Variants in ERC2 observed in about 807,000 individuals in gnomAD.
ERC2 encodes the protein ELKS/RAB6-interacting/CAST family member 2, also known as ERC protein 2.
In ERC2, 42 loss-of-function variants were observed where a neutral mutation model predicts 114.8. The ratio of observed to expected loss-of-function variants is 0.37; its 90% confidence interval spans 0.29 to 0.47. The LOEUF (loss-of-function observed/expected upper bound fraction) is 0.47. Among genes scored for constraint, ERC2 ranks in the 20% least tolerant of loss-of-function variants. The pLI is 0.99. For synonymous variants in ERC2, 454 were observed against 425.5 expected (o/e 1.07, Z -0.82); for missense variants, 939 against 1,150.7 (o/e 0.82, Z 2.66).
chr3:56,173,469 G>A lies in ERC2; in HGVS notation c.1126C>T (p.Leu376Phe), dbSNP rs1364328226. Residue 376 changes from leucine (L) to phenylalanine (F), a missense_variant, in exon 4 of 18, where the codon CTC becomes TTC. This residue lies in a region of ERC2 where 148 missense variants were observed against 159.1 expected (regional missense o/e 0.93). Coordinates refer to ENST00000288221, the MANE Select transcript of ERC2 (RefSeq NM_015576.3). ...LQPEPAKTKA[L>F]QTVIEMKDTK... ...ACCTTCATTTCGATGACAGTCTGGA[G>A]AGCCTTCGTCTTGGCTGGCTCCGGC... 1.9e-6 allele frequency: 3 copies of A among 1,613,940 alleles called. No homozygotes were observed. Among genetic ancestry groups the A allele is most frequent in the Non-Finnish European group, 2.5e-6 (3 of 1,179,848 alleles).
chr3:55,835,840 A>T (rs1238076010), intron 14 of ERC2, among the ~76,000 whole-genome samples: 1 of 151,912 alleles, frequency 6.6e-6, no homozygotes, highest in East Asian at 1.9e-4. Flanking sequence ...ACATGATTGT[A>T]TATCTAGAAA....
intron 14 of ERC2, among the ~76,000 whole-genome samples, chr3:55,805,900 G>C (rs1380482965): frequency 6.6e-6 from 1 of 152,148 alleles, no homozygotes; most frequent in Non-Finnish European, 1.5e-5. Context: ...TCACCCACAG[G>C]TGGGAACTGG....
intron 17 of ERC2, among the ~76,000 whole-genome samples, chr3:55,631,557 A>C (rs1482600079): frequency 6.6e-6 from 1 of 152,210 alleles, no homozygotes; most frequent in Non-Finnish European, 1.5e-5. Flanking sequence ...CCATCTTTAC[A>C]GTGTACACTC....
At chr3:56,257,144 C>T (rs1392804823) in intron 3 of ERC2, among the ~76,000 whole-genome samples, 1 of 152,110 alleles carries the variant, frequency 6.6e-6, no homozygotes, top group Admixed American at 6.5e-5. Context: ...GCTACCCACC[C>T]CCAATCTCTT....
At chr3:55,606,237 T>G (rs1290713376) in intron 17 of ERC2, among the ~76,000 whole-genome samples, 1 of 152,208 alleles carries the variant, frequency 6.6e-6, no homozygotes, top group African/African-American at 2.4e-5. Context: ...CACAGGTTCA[T>G]ATTCTGCTTA....
At chr3:55,713,633 C>T (rs1003535036) in intron 15 of ERC2, among the ~76,000 whole-genome samples, 3 of 152,190 alleles carry the variant, frequency 2.0e-5, no homozygotes, top group African/African-American at 7.2e-5. Flanking sequence ...AGCTACATGG[C>T]TTTGATGCAT....
At chr3:55,892,490 T>C (rs2063658231) in intron 13 of ERC2, among the ~76,000 whole-genome samples, 1 of 152,106 alleles carries the variant, frequency 6.6e-6, no homozygotes, top group Non-Finnish European at 1.5e-5. Flanking sequence ...GCCACTGCAC[T>C]CCAGGCTGGG....
At chr3:55,751,702 C>G (rs2148968663) in intron 14 of ERC2, among the ~76,000 whole-genome samples, 1 of 152,282 alleles carries the variant, frequency 6.6e-6, no homozygotes. Context: ...AAGTTAGTAA[C>G]AGGAGCAACT....
intron 13 of ERC2, among the ~76,000 whole-genome samples, chr3:55,920,446 A>ACACACACAC (rs57638674): frequency 6.9e-6 from 1 of 145,446 alleles, no homozygotes; most frequent in African/African-American, 2.6e-5. Flanking sequence ...ACACACACAC[A>ACACACACAC]CCCCAAGTGA....
Position 56,097,112 on chromosome 3 carries a change from G to A in ERC2, c.1474-16128C>T, listed in dbSNP as rs529187136. 8.0e-4 allele frequency among the ~76,000 whole-genome samples: 122 copies of A among 152,206 alleles called. 1 individual carries two copies. Among genetic ancestry groups the A allele is most frequent in the South Asian group, 1.2e-3 (6 of 4,810 alleles). The stretch of plus-strand genomic sequence containing the variant: ...GAGCATAAATGATTCTGAAATGGGC[G>A]GTAACACCAAACTCTGTGCAAATTT... On this transcript the variant is annotated intron_variant, in intron 6 of 17. Coordinates refer to ENST00000288221, the MANE Select transcript of ERC2 (RefSeq NM_015576.3).
intron 5 of ERC2, among the ~76,000 whole-genome samples, chr3:56,144,475 A>G (rs995989831): frequency 1.3e-5 from 2 of 152,236 alleles, no homozygotes; most frequent in African/African-American, 2.4e-5. Context: ...TTGACACTCA[A>G]AAACTTTCAA....
At chr3:56,149,391 T>C (rs1410820154) in intron 4 of ERC2, among the ~76,000 whole-genome samples, 1 of 152,142 alleles carries the variant, frequency 6.6e-6, no homozygotes, top group Admixed American at 6.5e-5. Context: ...TATCTGGGAA[T>C]CAAATTACCA....
At chr3:55,707,193 G>T (rs1335903973) in intron 15 of ERC2, among the ~76,000 whole-genome samples, 1 of 152,132 alleles carries the variant, frequency 6.6e-6, no homozygotes, top group Non-Finnish European at 1.5e-5. Flanking sequence ...CAGCACTTTG[G>T]GAGGCAGAGG....
At chr3:56,192,714 A>G (rs2047865822) in intron 3 of ERC2, among the ~76,000 whole-genome samples, 1 of 152,146 alleles carries the variant, frequency 6.6e-6, no homozygotes, top group African/African-American at 2.4e-5. Flanking sequence ...TGTCACCTGT[A>G]CCAGGTGAAT....
intron 2 of ERC2, among the ~76,000 whole-genome samples, chr3:56,343,463 A>G (rs2058183984): frequency 6.6e-6 from 1 of 151,998 alleles, no homozygotes; most frequent in Admixed American, 6.6e-5. Flanking sequence ...AATTAAAAAA[A>G]AAAAATTAGC....
chr3:56,143,509 G>A (rs753116527), intron 5 of ERC2, among the ~76,000 whole-genome samples: 19 of 152,074 alleles, frequency 1.2e-4, no homozygotes, highest in South Asian at 6.2e-4. Flanking sequence ...TTTTATAAAG[G>A]GCAGTTCCCC....
chr3:56,032,750 G>A (rs1159086943), intron 7 of ERC2, among the ~76,000 whole-genome samples: 1 of 151,346 alleles, frequency 6.6e-6, no homozygotes, highest in East Asian at 1.9e-4. Flanking sequence ...TGTACTACCA[G>A]CTAGCTACTT....
At chr3:56,225,121 TC>T (rs772903551) in intron 3 of ERC2, among the ~76,000 whole-genome samples, 16 of 152,158 alleles carry the variant, frequency 1.1e-4, no homozygotes, top group Non-Finnish European at 1.8e-4. Context: ...TTCCTAGGTT[TC>T]TTTAGTAAAA....
At chr3:56,468,119 T>C (rs2063638689) in intron 1 of ERC2, 129 bp downstream of exon 1, 1 of 151,228 alleles carries the variant, frequency 6.6e-6, no homozygotes. Flanking sequence ...GGTTCACCCT[T>C]AGGCTCCCCA....
Sources: allele counts gnomAD v4.1 joint callset (sites outside exome capture counted in the v4.1 genomes callset), GRCh38; gene constraint gnomAD v4.1.1; regional missense constraint gnomAD v4.1.1; transcripts MANE v1.5; gene names NCBI Gene and HGNC (gene_info 2026-07-23, HGNC 2026-07-21).